TAFA1: variants seen among roughly 807,000 people sequenced by gnomAD.
TAFA1 encodes the protein TAFA chemokine like family member 1.
TAFA1 carries 4 observed loss-of-function variants against 18.5 expected under a neutral mutation model. The observed-to-expected ratio is 0.22, with a 90% CI of 0.11 to 0.49. The LOEUF (loss-of-function observed/expected upper bound fraction) is 0.49, where lower values mean the gene tolerates loss of function less well. Ranked by LOEUF, TAFA1 falls within the 20% of genes least tolerant of loss-of-function variation. The pLI is 0.98. For synonymous variants in TAFA1, 56 were observed against 55.2 expected (o/e 1.01, Z -0.06); for missense variants, 147 against 169.0 (o/e 0.87, Z 0.72).
At chr3:68,128,942 C>T (rs530994046) in intron 2 of TAFA1, among the ~76,000 whole-genome samples, 17 of 152,284 alleles carry the variant, frequency 1.1e-4, no homozygotes, top group East Asian at 9.6e-4. Context: ...CTGGACTAGA[C>T]GTAAAATTAC....
chr3:68,003,018 G>A (rs1468633879), upstream of TAFA1, among the ~76,000 whole-genome samples: 1 of 152,164 alleles, frequency 6.6e-6, no homozygotes, highest in East Asian at 1.9e-4. Context: ...ACACACTCAT[G>A]AACAATAATA....
chr3:68,010,782 G>T (rs941343318), intron 2 of TAFA1, among the ~76,000 whole-genome samples: 7 of 152,110 alleles, frequency 4.6e-5, no homozygotes, highest in African/African-American at 1.4e-4. Context: ...TATTTGGCTG[G>T]ATCAAGTTTT....
rs914275793 is a variant in TAFA1, at chr3:68,152,586, G to C, written c.118+145842G>C. ...TTTTAGAGAAACCCAAATCAAAGTA[G>C]CTGAAGCTCAAAAGGCCATTAATTG... On this transcript the variant is annotated intron_variant, in intron 2 of 4. Coordinates refer to ENST00000478136, the MANE Select transcript of TAFA1 (RefSeq NM_213609.4). Among the ~76,000 whole-genome samples the C allele has an allele frequency of 5.9e-5, 9 of 152,146 alleles. 1 individual carries two copies. Among genetic ancestry groups the C allele is most frequent in the Admixed American group, 5.9e-4 (9 of 15,266 alleles).
intron 3 of TAFA1, among the ~76,000 whole-genome samples, chr3:68,499,283 C>T (rs1413343894): frequency 6.6e-6 from 1 of 151,282 alleles, no homozygotes; most frequent in Non-Finnish European, 1.5e-5. Flanking sequence ...AAGCTACTTA[C>T]TGCTTATTGA....
At chr3:68,076,603 C>T (rs1210033025) in intron 2 of TAFA1, among the ~76,000 whole-genome samples, 12 of 152,220 alleles carry the variant, frequency 7.9e-5, no homozygotes, top group Admixed American at 3.3e-4. Flanking sequence ...TGATGCTTTC[C>T]AATTTCATCC....
At chr3:68,202,668 C>G (rs777524690) in intron 2 of TAFA1, among the ~76,000 whole-genome samples, 1 of 151,544 alleles carries the variant, frequency 6.6e-6, no homozygotes, top group African/African-American at 2.4e-5. Context: ...CTGTGAGTAA[C>G]TTACAATAAC....
At chr3:68,109,678 ATTGTTG>A (rs565153738) in intron 2 of TAFA1, among the ~76,000 whole-genome samples, 27 of 151,874 alleles carry the variant, frequency 1.8e-4, no homozygotes, top group African/African-American at 6.0e-4. Context: ...TACTAAGAAA[ATTGTTG>A]TTGTTGTTGT....
chr3:68,365,850 G>T (rs2069558065), intron 2 of TAFA1, among the ~76,000 whole-genome samples: 2 of 152,080 alleles, frequency 1.3e-5, no homozygotes, highest in Admixed American at 6.5e-5. Flanking sequence ...CACTTTGGTA[G>T]GCCAAGGCGG....
chr3:68,225,788 A>G (rs1281031373), intron 2 of TAFA1, among the ~76,000 whole-genome samples: 1 of 152,080 alleles, frequency 6.6e-6, no homozygotes, highest in African/African-American at 2.4e-5. Flanking sequence ...AAAATTGTGT[A>G]ATCTTGAGCA....
At chr3:68,306,764 G>C (rs1259358633) in intron 2 of TAFA1, among the ~76,000 whole-genome samples, 1 of 152,066 alleles carries the variant, frequency 6.6e-6, no homozygotes, top group African/African-American at 2.4e-5. Flanking sequence ...GCTATCCATG[G>C]TGCTGAATCT....
intron 2 of TAFA1, among the ~76,000 whole-genome samples, chr3:68,396,401 G>A (rs939764087): frequency 3.9e-5 from 6 of 152,048 alleles, no homozygotes; most frequent in African/African-American, 1.4e-4. Context: ...CTTTCCCAAG[G>A]TAGCTACTGT....
chr3:68,437,337 A>G (rs1056722803), intron 3 of TAFA1, among the ~76,000 whole-genome samples: 1 of 152,162 alleles, frequency 6.6e-6, no homozygotes, highest in Non-Finnish European at 1.5e-5. Context: ...ATATAGTTTA[A>G]AATAGTTGTA....
chr3:68,476,422 A>G (rs1181889063), intron 3 of TAFA1, among the ~76,000 whole-genome samples: 4 of 152,230 alleles, frequency 2.6e-5, no homozygotes, highest in African/African-American at 2.4e-5. Context: ...CTAGTCTTTA[A>G]AAATGCAGAG....
At chr3:68,476,552 T>C (rs1380624904) in intron 3 of TAFA1, among the ~76,000 whole-genome samples, 4 of 152,212 alleles carry the variant, frequency 2.6e-5, no homozygotes, top group African/African-American at 9.6e-5. Context: ...ATGAATAGTT[T>C]CACATGATTA....
At chr3:68,010,844 GCTT>G (rs1490696710) in intron 2 of TAFA1, among the ~76,000 whole-genome samples, 2 of 152,050 alleles carry the variant, frequency 1.3e-5, no homozygotes, top group African/African-American at 2.4e-5. Flanking sequence ...GAATACTTGA[GCTT>G]CTTTTTTATT....
At chr3:68,041,594 T>A (rs1413090214) in intron 2 of TAFA1, among the ~76,000 whole-genome samples, 1 of 152,234 alleles carries the variant, frequency 6.6e-6, no homozygotes, top group African/African-American at 2.4e-5. Context: ...CATTCAGGTA[T>A]TGAAAACTCT....
intron 2 of TAFA1, among the ~76,000 whole-genome samples, chr3:68,107,222 T>A (rs919642599): frequency 6.6e-6 from 1 of 152,058 alleles, no homozygotes; most frequent in Non-Finnish European, 1.5e-5. Flanking sequence ...AGAGACTGTT[T>A]TGGGGAAAGG....
intron 3 of TAFA1, among the ~76,000 whole-genome samples, chr3:68,451,627 G>GA (rs572258295): frequency 5.9e-5 from 9 of 151,640 alleles, no homozygotes; most frequent in East Asian, 5.8e-4. Flanking sequence ...TGATTTTGGG[G>GA]AAAAAAAAGT....
chr3:68,445,667 A>T (rs573292720), intron 3 of TAFA1, among the ~76,000 whole-genome samples: 1 of 152,252 alleles, frequency 6.6e-6, no homozygotes, highest in African/African-American at 2.4e-5. Context: ...CAGTATTAGC[A>T]TGCATCAGAA....
Sources: gnomAD v4.1 joint callset for allele counts (sites outside exome capture counted in the v4.1 genomes callset) on GRCh38, gnomAD v4.1.1 for gene constraint, MANE v1.5 for transcripts, NCBI Gene and HGNC (gene_info 2026-07-23, HGNC 2026-07-21) for gene names.